The following HCN1 variants were observed in gnomAD, a reference collection of about 807,000 sequenced individuals.
HCN1 encodes the protein potassium/sodium hyperpolarization-activated cyclic nucleotide-gated channel 1.
Under a neutral mutation model 78.9 loss-of-function variants are expected in HCN1, and 13 were observed. The ratio of observed to expected loss-of-function variants is 0.16; its 90% CI spans 0.11 to 0.26. HCN1 has a LOEUF of 0.26. HCN1 is among the 10% of genes least tolerant of loss of function. The probability of loss-of-function intolerance (pLI) is 1.00; values close to 1 mark genes in which losing one functional copy is unlikely to be tolerated. For missense variants in HCN1, 810 were observed against 1,154.3 expected, an observed-to-expected ratio of 0.70 and a Z score of 4.32; for synonymous variants, 552 against 455.5, an observed-to-expected ratio of 1.21 and a Z score of -2.70.
intron 1 of HCN1, among the ~76,000 whole-genome samples, chr5:45,691,729 G>C (rs1739916601): frequency 6.6e-6 from 1 of 152,104 alleles, no homozygotes; most frequent in Non-Finnish European, 1.5e-5. Flanking sequence ...TTGTTTTCTT[G>C]TGAGAAGCTC....
intron 2 of HCN1, among the ~76,000 whole-genome samples, chr5:45,583,264 G>A (rs569894242): frequency 5.3e-5 from 8 of 152,268 alleles, no homozygotes; most frequent in East Asian, 1.9e-4. Context: ...GAGGGTGTAC[G>A]TGTCGAGGAA....
chr5:45,274,372 G>C (rs1306472866), intron 6 of HCN1, among the ~76,000 whole-genome samples: 1 of 152,036 alleles, frequency 6.6e-6, no homozygotes, highest in Non-Finnish European at 1.5e-5. Flanking sequence ...ATATAAATTA[G>C]AGTGATCACG....
At position 45,673,843 on chromosome 5, in the gene HCN1, T is replaced by C. The variant is rs757359069; in HGVS notation, c.425+21826A>G. Among the ~76,000 whole-genome samples the C allele has an allele frequency of 2.5e-4, 38 of 151,776 alleles. 1 individual carries two copies. In the Middle Eastern group the frequency reaches 0.021, roughly 82 times the overall value. ...ACAGCAGAATCATTCTAGTACTAACTTATTTCATGAATCATGATTTCAAGT... is the reference window on the plus strand; with the variant it reads ...ACAGCAGAATCATTCTAGTACTAACCTATTTCATGAATCATGATTTCAAGT... On this transcript the variant is annotated intron_variant, in intron 1 of 7. Coordinates refer to ENST00000303230, the MANE Select transcript of HCN1 (RefSeq NM_021072.4).
chr5:45,626,630 G>C (rs2112004505), intron 2 of HCN1, among the ~76,000 whole-genome samples: 1 of 152,238 alleles, frequency 6.6e-6, no homozygotes, highest in Middle Eastern at 3.4e-3. Flanking sequence ...TGGGGAGGCA[G>C]AGAAAACAAC....
chr5:45,493,898 A>C (rs1356093392), intron 2 of HCN1, among the ~76,000 whole-genome samples: 1 of 151,648 alleles, frequency 6.6e-6, no homozygotes, highest in Admixed American at 6.6e-5. Context: ...ATGATTTCCA[A>C]TTTCATCCAT....
chr5:45,503,281 T>C (rs1391233613), intron 2 of HCN1, among the ~76,000 whole-genome samples: 1 of 152,008 alleles, frequency 6.6e-6, no homozygotes, highest in Non-Finnish European at 1.5e-5. Flanking sequence ...TACTAGTTTA[T>C]AGGAAATAAA....
intron 3 of HCN1, among the ~76,000 whole-genome samples, chr5:45,421,838 T>G (rs1217119708): frequency 1.3e-5 from 2 of 152,200 alleles, no homozygotes. Context: ...GACTATGTCC[T>G]CATGTAGCAT....
intron 3 of HCN1, among the ~76,000 whole-genome samples, chr5:45,399,872 C>G (rs1370521745): frequency 6.6e-6 from 1 of 151,936 alleles, no homozygotes; most frequent in African/African-American, 2.4e-5. Flanking sequence ...AATTTTAACA[C>G]AAGAAAATTA....
At chr5:45,614,254 A>C (rs539611200) in intron 2 of HCN1, among the ~76,000 whole-genome samples, 2 of 152,264 alleles carry the variant, frequency 1.3e-5, no homozygotes, top group African/African-American at 4.8e-5. Context: ...AAGATGATGA[A>C]TTCCCCCATT....
chr5:45,559,504 G>T (rs1221162944), intron 2 of HCN1: 1 of 152,176 alleles, frequency 6.6e-6, no homozygotes, highest in African/African-American at 2.4e-5. Flanking sequence ...GACTGTGAGG[G>T]GTTCAAGACT....
At chr5:45,659,893 CAGG>C (rs1745888559) in intron 1 of HCN1, among the ~76,000 whole-genome samples, 1 of 140,856 alleles carries the variant, frequency 7.1e-6, no homozygotes, top group African/African-American at 2.8e-5. Flanking sequence ...GGATATTATC[CAGG>C]AGAACTTCCC....
rs546304789 is a variant in HCN1 at position 45,593,370 on chromosome 5, A to ACCCC, written c.849+51811_849+51814dup. On this transcript the variant is annotated intron_variant, in intron 2 of 7. Coordinates refer to ENST00000303230, the MANE Select transcript of HCN1 (RefSeq NM_021072.4). ...CACACACACACACACACACACACAC[A>ACCCC]CCCCACATGTAAGATGCAGGACACA... Among the ~76,000 whole-genome samples, 306 of 135,188 alleles carry ACCCC rather than the reference A, an allele frequency of 2.3e-3. 1 individual carries two copies. The highest frequency in any genetic ancestry group is 8.4e-3 in the African/African-American group (297 of 35,294). The allele number at this position is 135,188 out of a possible 152,430, so 88.7% of individuals were successfully genotyped here. A position where few individuals can be genotyped will look rare whatever the true frequency, so the allele number is the denominator to read the frequency against.
chr5:45,412,384 A>G (rs1168512777), intron 3 of HCN1, among the ~76,000 whole-genome samples: 40 of 152,068 alleles, frequency 2.6e-4, no homozygotes, highest in Admixed American at 2.6e-3. Context: ...ATGTACAAGC[A>G]AACGTGGTAG....
chr5:45,403,317 G>A (rs1170826166), intron 3 of HCN1, among the ~76,000 whole-genome samples: 6 of 152,042 alleles, frequency 3.9e-5, no homozygotes. Flanking sequence ...AAAATCCCAG[G>A]AACAAAGGGC....
intron 6 of HCN1, among the ~76,000 whole-genome samples, chr5:45,297,669 T>A (rs1745527023): frequency 6.6e-6 from 1 of 152,034 alleles, no homozygotes; most frequent in Non-Finnish European, 1.5e-5. Flanking sequence ...TGAATAAAAA[T>A]GCATAGAATA....
At chr5:45,548,311 T>C (rs370513950) in intron 2 of HCN1, among the ~76,000 whole-genome samples, 5 of 151,918 alleles carry the variant, frequency 3.3e-5, no homozygotes, top group Non-Finnish European at 5.9e-5. Context: ...GAATATACTT[T>C]ATGTAAATGA....
intron 2 of HCN1, among the ~76,000 whole-genome samples, chr5:45,509,102 T>C (rs1199646896): frequency 6.6e-6 from 1 of 152,152 alleles, no homozygotes; most frequent in Non-Finnish European, 1.5e-5. Context: ...TGCTTCCTTC[T>C]TTGAGCATTA....
At chr5:45,671,023 A>G (rs1247153190) in intron 1 of HCN1, among the ~76,000 whole-genome samples, 4 of 151,894 alleles carry the variant, frequency 2.6e-5, no homozygotes, top group Middle Eastern at 3.4e-3. Context: ...TATAACACCA[A>G]GAGCTTTAAT....
intron 5 of HCN1, among the ~76,000 whole-genome samples, chr5:45,342,480 C>T (rs1746606465): frequency 1.3e-5 from 2 of 151,806 alleles, no homozygotes; most frequent in South Asian, 2.1e-4. Flanking sequence ...ACAGGTGATC[C>T]ACCTGCCTCG....
Sources: allele counts gnomAD v4.1 joint callset (sites outside exome capture counted in the v4.1 genomes callset), GRCh38; gene constraint gnomAD v4.1.1; transcripts MANE v1.5; gene names NCBI Gene and HGNC (gene_info 2026-07-23, HGNC 2026-07-21).